The following MAST2 variants were observed in gnomAD, a reference collection of about 807,000 sequenced individuals.
MAST2 encodes the protein microtubule-associated serine/threonine-protein kinase 2.
Under a neutral mutation model 147.4 loss-of-function variants are expected in MAST2, and 70 were observed. That is an observed-to-expected ratio of 0.47 (90% CI 0.39 to 0.58). MAST2 has a LOEUF of 0.58. Ranked by LOEUF, MAST2 falls within the 20% of genes least tolerant of loss-of-function variation. The pLI, the probability that MAST2 is intolerant of heterozygous loss-of-function variation, is 0.00. For missense variants in MAST2, 2,080 were observed against 2,302.3 expected, an observed-to-expected ratio of 0.90 and a Z score of 1.98; for synonymous variants, 869 against 896.8, an observed-to-expected ratio of 0.97 and a Z score of 0.55.
At chr1:45,872,629 C>T (rs372186460) in intron 3 of MAST2, among the ~76,000 whole-genome samples, 3 of 152,156 alleles carry the variant, frequency 2.0e-5, no homozygotes, top group African/African-American at 4.8e-5. Flanking sequence ...TACAGGCATG[C>T]GCTACCACGC....
At position 46,035,668 on chromosome 1, in the gene MAST2, A is replaced by C; in HGVS notation, c.4999A>C (p.Arg1667=). ...SWKSLIEGPD[R]ASPSRKATMA... Reference sequence around the variant, plus strand: ...GAAATCCCTTATTGAGGGCCCAGACAGGGCATCCCCAAGCAGAAAGGCAAC... The same window carrying C: ...GAAATCCCTTATTGAGGGCCCAGACCGGGCATCCCCAAGCAGAAAGGCAAC... The change falls in exon 29 of 29, where the codon AGG becomes CGG. Residue 1667 remains arginine (R), a synonymous_variant. Transcript: ENST00000361297. This position sits in a 1 kb window ranked among gnomAD's most constrained non-coding sequence, Gnocchi z 5.5. The C allele has an allele frequency of 6.2e-7, 1 of 1,613,956 alleles. No individual in the cohort carries two copies. Among genetic ancestry groups the C allele is most frequent in the Middle Eastern group, 1.6e-4 (1 of 6,062 alleles).
rs535374487 is a variant in MAST2 at position 45,824,722 on chromosome 1, C to T, written c.325+142C>T. 2.0e-4 allele frequency: 162 copies of T among 798,630 alleles called. 1 individual carries two copies. In the African/African-American group the frequency reaches 2.7e-3, roughly 13 times the overall value. The allele number at this position is 798,630 out of a possible 1,614,324, so 49.5% of individuals were successfully genotyped here. A position where few individuals can be genotyped will look rare whatever the true frequency, so the allele number is the denominator to read the frequency against. On this transcript the variant is annotated intron_variant, in intron 2 of 28. Transcript: ENST00000361297. The stretch of plus-strand genomic sequence containing the variant: ...ACATTTATGGTAAGGCTGTCTTCCT[C>T]TCCTTACTTCTTCCTCATGGAATCT...
At chr1:46,010,654 T>A in intron 9 of MAST2, 76 bp from the exon 10 acceptor site, 1 of 1,343,502 alleles carries the variant, frequency 7.4e-7, no homozygotes, top group Non-Finnish European at 1.0e-6. Flanking sequence ...ATTTTGCTAT[T>A]TCCAGGTCCT....
At chr1:46,018,313 C>T (rs1409994847) in intron 10 of MAST2, among the ~76,000 whole-genome samples, 1 of 152,202 alleles carries the variant, frequency 6.6e-6, no homozygotes, top group African/African-American at 2.4e-5. Flanking sequence ...ATGTGGCTGC[C>T]ACTCTTACTG....
intron 6 of MAST2, among the ~76,000 whole-genome samples, chr1:46,000,744 C>G (rs924489557): frequency 6.6e-6 from 1 of 152,156 alleles, no homozygotes; most frequent in African/African-American, 2.4e-5. Context: ...TACTGGCTGG[C>G]GCTTTGGAGG....
intron 4 of MAST2, among the ~76,000 whole-genome samples, chr1:45,956,883 C>T (rs1659735180): frequency 6.6e-6 from 1 of 152,214 alleles, no homozygotes; most frequent in Non-Finnish European, 1.5e-5. Context: ...ATACCCAAAA[C>T]ATCTAGTGCT....
chr1:45,846,429 C>T (rs942226325), intron 3 of MAST2, among the ~76,000 whole-genome samples: 25 of 152,068 alleles, frequency 1.6e-4, no homozygotes, highest in African/African-American at 4.6e-4. Flanking sequence ...TTGCTCCCCC[C>T]GGCCTGAAAT....
At chr1:45,915,545 C>T (rs544517820) in intron 4 of MAST2, among the ~76,000 whole-genome samples, 1 of 152,124 alleles carries the variant, frequency 6.6e-6, no homozygotes, top group African/African-American at 2.4e-5. Context: ...TCTGTCTCTA[C>T]TGAAAATACA....
intron 3 of MAST2, among the ~76,000 whole-genome samples, chr1:45,838,591 A>AT (rs956313936): frequency 1.1e-4 from 16 of 151,870 alleles, no homozygotes; most frequent in Non-Finnish European, 2.1e-4. Flanking sequence ...TTAAAAAAAA[A>AT]TTTTTTTTGT....
chr1:46,016,775 A>G (rs552983018), intron 10 of MAST2, among the ~76,000 whole-genome samples: 1 of 152,362 alleles, frequency 6.6e-6, no homozygotes, highest in East Asian at 1.9e-4. Flanking sequence ...ATTCAACACC[A>G]TCCCCATCAA....
At chr1:45,950,096 G>A (rs1444211743) in intron 4 of MAST2, among the ~76,000 whole-genome samples, 1 of 152,110 alleles carries the variant, frequency 6.6e-6, no homozygotes, top group Non-Finnish European at 1.5e-5. Context: ...AGGGAGAGGA[G>A]CAGGAAAAGT....
intron 3 of MAST2, among the ~76,000 whole-genome samples, chr1:45,839,288 C>G (rs961457374): frequency 1.3e-5 from 2 of 152,164 alleles, no homozygotes; most frequent in Non-Finnish European, 2.9e-5. Flanking sequence ...GCCACCATGC[C>G]TGGCTAGTTT....
intron 4 of MAST2, among the ~76,000 whole-genome samples, chr1:45,904,666 A>G (rs972762948): frequency 3.3e-5 from 5 of 151,812 alleles, no homozygotes; most frequent in African/African-American, 7.3e-5. Context: ...GGATTTTGCC[A>G]TATTGCCCAA....
intron 5 of MAST2, among the ~76,000 whole-genome samples, chr1:45,964,510 G>A (rs950045569): frequency 2.6e-5 from 4 of 152,202 alleles, no homozygotes; most frequent in African/African-American, 4.8e-5. Context: ...GCATAGAGGT[G>A]TTTGTAGTAT....
At chr1:45,804,191 A>T in intron 1 of MAST2, 119 bp downstream of exon 1, 1 of 1,167,434 alleles carries the variant, frequency 8.6e-7, no homozygotes, top group Non-Finnish European at 1.1e-6. Context: ...GTTCGCGGGG[A>T]GGAGTGGGAG....
chr1:45,971,520 A>T (rs72692632), intron 5 of MAST2, among the ~76,000 whole-genome samples: 1 of 152,078 alleles, frequency 6.6e-6, no homozygotes. Context: ...CCACGTTCCC[A>T]CACCACTGAC....
At chr1:45,895,055 T>A (rs1022908993) in intron 4 of MAST2, among the ~76,000 whole-genome samples, 1 of 152,256 alleles carries the variant, frequency 6.6e-6, no homozygotes, top group Non-Finnish European at 1.5e-5. Flanking sequence ...TCTGTAGTTT[T>A]GCAGTCAATC....
In MAST2 at chr1:45,909,705, A is replaced by G. The variant is rs180719730; in HGVS notation, c.500+27310A>G. On this transcript the variant is annotated intron_variant, in intron 4 of 28. Coordinates refer to ENST00000361297, the MANE Select transcript of MAST2 (RefSeq NM_015112.3). Reference sequence around the variant, plus strand: ...GCTAATTTTTGTATTTTTAGTAGAGACGGGGGTTCACCATGTTGACCAGGA... The same window carrying G: ...GCTAATTTTTGTATTTTTAGTAGAGGCGGGGGTTCACCATGTTGACCAGGA... Among the ~76,000 whole-genome samples the G allele has an allele frequency of 2.2e-3, 334 of 152,222 alleles. 4 individuals are homozygous for G. The highest frequency in any genetic ancestry group is 7.4e-3 in the African/African-American group (306 of 41,526).
At chr1:46,018,406 G>A (rs1442951302) in intron 10 of MAST2, among the ~76,000 whole-genome samples, 1 of 151,988 alleles carries the variant, frequency 6.6e-6, no homozygotes, top group African/African-American at 2.4e-5. Flanking sequence ...CTTATTCTTT[G>A]GTTGCACGTA....
Sources: gnomAD v4.1 joint callset for allele counts (sites outside exome capture counted in the v4.1 genomes callset) on GRCh38, gnomAD v4.1.1 for gene constraint, Gnocchi (gnomAD v3.1) non-coding constraint, MANE v1.5 for transcripts, NCBI Gene and HGNC (gene_info 2026-07-23, HGNC 2026-07-21) for gene names.